MTUS1: variants seen among roughly 807,000 people sequenced by gnomAD.
The protein encoded by MTUS1 is microtubule associated scaffold protein 1, also known as microtubule-associated tumor suppressor 1.
A neutral mutation model predicts 120.8 loss-of-function variants in MTUS1; 109 were observed. That is an observed-to-expected ratio of 0.90 (90% CI 0.77 to 1.06). The LOEUF is 1.06. Ranked by LOEUF, MTUS1 falls within the 50% of genes least tolerant of loss-of-function variation. MTUS1 has a pLI of 0.00. For synonymous variants in MTUS1, 737 were observed against 550.5 expected (o/e 1.34, Z -4.74); for missense variants, 2,210 against 1,486.3 (o/e 1.49, Z -8.01).
chr8:17,651,259 G>A (rs1037024936), intron 12 of MTUS1, among the ~76,000 whole-genome samples: 4 of 152,066 alleles, frequency 2.6e-5, no homozygotes, highest in Non-Finnish European at 5.9e-5. Flanking sequence ...TAGACAGAAG[G>A]AATAGGTTCT....
intron 2 of MTUS1, 52 bp from the exon 3 acceptor site, chr8:17,743,851 C>G (rs1221926939): frequency 4.0e-6 from 6 of 1,514,674 alleles, no homozygotes; most frequent in African/African-American, 2.8e-5. Flanking sequence ...TCTAAGCCCC[C>G]CAACTGACTG....
At chr8:17,758,186 G>A (rs2048768517) in intron 1 of MTUS1, 2 of 152,190 alleles carry the variant, frequency 1.3e-5, no homozygotes, top group Non-Finnish European at 2.9e-5. Context: ...CGTTTTCTCT[G>A]CATTCAAACT....
intron 3 of MTUS1, among the ~76,000 whole-genome samples, chr8:17,742,765 G>C (rs1007152882): frequency 3.9e-5 from 6 of 152,162 alleles, no homozygotes; most frequent in African/African-American, 1.4e-4. Flanking sequence ...ATTGTAGAGA[G>C]GTACAGAGAT....
chr8:17,723,296 C>G (rs929869338), intron 4 of MTUS1: 1 of 270,612 alleles, frequency 3.7e-6, no homozygotes, highest in Non-Finnish European at 7.4e-6. Context: ...AGTCCTATTA[C>G]ACAAAATCTA....
At chr8:17,740,841 A>T (rs1007826700) in intron 3 of MTUS1, among the ~76,000 whole-genome samples, 18 of 152,108 alleles carry the variant, frequency 1.2e-4, no homozygotes, top group African/African-American at 4.3e-4. Context: ...TCTACCTCAC[A>T]TACTGAGGAC....
chr8:17,679,650 T>C (rs1813918330), intron 7 of MTUS1, among the ~76,000 whole-genome samples: 1 of 152,026 alleles, frequency 6.6e-6, no homozygotes, highest in African/African-American at 2.4e-5. Context: ...TACAGGCACA[T>C]GCCACCATGC....
chr8:17,680,253 G>C (rs1433476853), intron 7 of MTUS1, among the ~76,000 whole-genome samples: 1 of 151,806 alleles, frequency 6.6e-6, no homozygotes, highest in Non-Finnish European at 1.5e-5. Flanking sequence ...CACTTGAGGT[G>C]AGGACTTTAA....
intron 3 of MTUS1, among the ~76,000 whole-genome samples, chr8:17,735,750 G>T (rs1303688875): frequency 6.6e-6 from 1 of 152,246 alleles, no homozygotes; most frequent in Non-Finnish European, 1.5e-5. Flanking sequence ...TTCAAATCAA[G>T]CCAAGGAATG....
chr8:17,783,100 A>G (rs2051015506), intron 1 of MTUS1, among the ~76,000 whole-genome samples: 1 of 152,228 alleles, frequency 6.6e-6, no homozygotes, highest in African/African-American at 2.4e-5. Flanking sequence ...ACAAACACAC[A>G]CACGCCCTTA....
upstream of MTUS1, chr8:17,801,247 G>GGCCTCCCCGCCTCCCC (rs1221827805): frequency 6.6e-6 from 1 of 151,494 alleles, no homozygotes; most frequent in Non-Finnish European, 1.5e-5. Context: ...CCGGAGCCCC[G>GGCCTCCCCGCCTCCCC]GCCTCCCCGC....
In MTUS1 at chr8:17,754,579, C is replaced by A. The variant is rs1009722975; in HGVS notation, c.1229G>T (p.Gly410Val). 4.3e-6 allele frequency: 7 copies of A among 1,614,156 alleles called. No homozygotes were observed. The highest frequency in any genetic ancestry group is 5.9e-6 in the Non-Finnish European group (7 of 1,180,030). Residue 410 changes from glycine to valine, a missense_variant, in exon 2 of 15, where the codon GGA becomes GTA. Coordinates refer to ENST00000693296, the MANE Select transcript of MTUS1 (RefSeq NM_001363059.2). ...PPGQKVGSSF[G>V]LTWDANDMVI... Reference sequence around the variant, plus strand: ...CATATCATTTGCATCCCAAGTCAGTCCAAATGACGAGCCCACCTTTTGTCC... The same window carrying A: ...CATATCATTTGCATCCCAAGTCAGTACAAATGACGAGCCCACCTTTTGTCC...
At chr8:17,673,872 A>G (rs1380015121) in intron 8 of MTUS1, among the ~76,000 whole-genome samples, 2 of 152,150 alleles carry the variant, frequency 1.3e-5, no homozygotes, top group South Asian at 2.1e-4. Context: ...TGTCCAAAAG[A>G]AAAAAGGGCA....
intron 6 of MTUS1, among the ~76,000 whole-genome samples, chr8:17,695,550 C>G (rs896434628): frequency 1.3e-5 from 2 of 152,082 alleles, no homozygotes; most frequent in Non-Finnish European, 2.9e-5. Context: ...TCAACTAAAC[C>G]CTGGTAATAG....
chr8:17,678,716 T>C (rs1268033279), intron 7 of MTUS1, among the ~76,000 whole-genome samples: 1 of 150,102 alleles, frequency 6.7e-6, no homozygotes, highest in Admixed American at 6.7e-5. Context: ...TTCACCTTTG[T>C]TCAGGTGCTA....
chr8:17,796,383 T>G lies in MTUS1; in HGVS notation c.-155+4678A>C, dbSNP rs1327486004. Among the ~76,000 whole-genome samples, 3 of 7,374 alleles carry G rather than the reference T, an allele frequency of 4.1e-4. No individual in the cohort carries two copies. The East Asian group carries it at 0.011, about 28-fold the overall frequency. 4.8% of individuals were successfully genotyped at this position (7,374 alleles called of 152,430 possible). A position where few individuals can be genotyped will look rare whatever the true frequency, so the allele number is the denominator to read the frequency against. ...TTTAATGAACAAAGTTATTTTGTAA[T>G]CAAGATTTATATGCAAATACGTACT... On this transcript the variant is annotated intron_variant, in intron 1 of 14. Coordinates refer to ENST00000693296, the MANE Select transcript of MTUS1 (RefSeq NM_001363059.2).
chr8:17,678,711 CT>C (rs1235618492), intron 7 of MTUS1, among the ~76,000 whole-genome samples: 1 of 145,856 alleles, frequency 6.9e-6, no homozygotes, highest in African/African-American at 2.5e-5. Context: ...CAAAATTCAC[CT>C]TTGTTCAGGT....
intron 1 of MTUS1, among the ~76,000 whole-genome samples, chr8:17,786,630 C>G (rs2051324033): frequency 1.3e-5 from 2 of 152,058 alleles, no homozygotes; most frequent in Admixed American, 1.3e-4. Context: ...ATGTGTGAGG[C>G]AGTTGGGTTA....
At chr8:17,770,930 TG>T (rs1238866884) in intron 1 of MTUS1, among the ~76,000 whole-genome samples, 1 of 152,218 alleles carries the variant, frequency 6.6e-6, no homozygotes, top group Non-Finnish European at 1.5e-5. Flanking sequence ...TCACTGTGGC[TG>T]GGTGACTGCT....
chr8:17,739,354 G>C (rs536920173), intron 3 of MTUS1, among the ~76,000 whole-genome samples: 63 of 152,090 alleles, frequency 4.1e-4, no homozygotes, highest in Admixed American at 5.9e-4. Flanking sequence ...TTAGCCAGGT[G>C]TGGTGGTTCA....
Sources: allele counts gnomAD v4.1 joint callset (sites outside exome capture counted in the v4.1 genomes callset), GRCh38; gene constraint gnomAD v4.1.1; transcripts MANE v1.5; gene names NCBI Gene and HGNC (gene_info 2026-07-23, HGNC 2026-07-21).